NLRC4: variants seen among roughly 807,000 people sequenced by gnomAD.
NLRC4 encodes NLR family CARD domain containing 4.
A neutral mutation model predicts 79.9 loss-of-function variants in NLRC4; 63 were observed. The observed-to-expected ratio is 0.79, with a 90% CI of 0.64 to 0.97. NLRC4 has a LOEUF of 0.97. Ranked by LOEUF, NLRC4 falls within the 50% of genes least tolerant of loss-of-function variation. The probability of loss-of-function intolerance (pLI) is 0.00; values close to 1 mark genes in which losing one functional copy is unlikely to be tolerated. For missense variants in NLRC4, 1,074 were observed against 1,215.2 expected (o/e 0.88, Z 1.73); for synonymous variants, 461 against 456.5 (o/e 1.01, Z -0.12).
At chr2:32,226,914 T>G (rs1225294632) in intron 8 of NLRC4, among the ~76,000 whole-genome samples, 1 of 152,048 alleles carries the variant, frequency 6.6e-6, no homozygotes, top group Non-Finnish European at 1.5e-5. Flanking sequence ...GACAGACTGC[T>G]AGTTGTTCCC....
chr2:32,259,695 A>G (rs1314007003), intron 1 of NLRC4, among the ~76,000 whole-genome samples: 1 of 152,122 alleles, frequency 6.6e-6, no homozygotes, highest in Non-Finnish European at 1.5e-5. Flanking sequence ...CCCTCTCCTT[A>G]GTATCCTATG....
intron 1 of NLRC4, among the ~76,000 whole-genome samples, chr2:32,258,229 G>A (rs988157695): frequency 1.3e-5 from 2 of 152,186 alleles, no homozygotes; most frequent in African/African-American, 4.8e-5. Context: ...GATGTCTGTT[G>A]TGTGCTCTTC....
chr2:32,233,172 GGAAGGAAGGAAGGAAGGAAGGA>G (rs1558446976), intron 8 of NLRC4, among the ~76,000 whole-genome samples: 1,168 of 98,596 alleles, frequency 0.012, 14 homozygotes, highest in Middle Eastern at 0.035. Flanking sequence ...AAGGAAGGAA[GGAAGGAAGGAAGGAAGGAAGGA>G]AGGGAGGGAG....
In NLRC4 at chr2:32,236,350, A is replaced by G; in HGVS notation, c.2522-11T>C. 3 of 1,512,310 alleles carry G rather than the reference A, an allele frequency of 2.0e-6. No homozygotes were observed. Among genetic ancestry groups the G allele is most frequent in the Non-Finnish European group, 2.7e-6 (3 of 1,102,718 alleles). The allele number at this position is 1,512,310 out of a possible 1,614,324, so 93.7% of individuals were successfully genotyped here. On this transcript the variant is annotated splice_polypyrimidine_tract_variant and intron_variant, in intron 6 of 8. Transcript: ENST00000402280. ...TGTGAAGATTCTGAGCTGGGGAAAA[A>G]AAGTAATCCAAAATAAAAAGATTTT... is the stretch of plus-strand genomic sequence containing the variant.
At position 32,236,317 on chromosome 2, in the gene NLRC4, G is replaced by T; in HGVS notation, c.2544C>A (p.Val848=). Residue 848 remains valine (V), a synonymous_variant, in exon 7 of 9, where the codon GTC becomes GTA. Transcript: ENST00000402280. ...CTGATAAATCAAGAATGCTCAGTTT[G>T]ACCAAATTGTGAAGATTCTGAGCTG... is the stretch of plus-strand genomic sequence containing the variant. ...KILAQNLHNL[V]KLSILDLSEN... The T allele has an allele frequency of 6.2e-7, 1 of 1,607,394 alleles. No individual in the cohort carries two copies. Among genetic ancestry groups the T allele is most frequent in the South Asian group, 1.1e-5 (1 of 89,538 alleles).
Position 32,225,421 on chromosome 2 carries a change from GTGTGTGTGT to G in NLRC4, c.2783-665_2783-657del, listed in dbSNP as rs781128694. On this transcript the variant is annotated intron_variant, in intron 8 of 8. Transcript: ENST00000402280. Reference sequence around the variant, plus strand: ...ATACATACAAAGGATGTGTGTGTGTGTGTGTGTGTGTGTGTGTGTGTGTGTATACATACA... The same window carrying G: ...ATACATACAAAGGATGTGTGTGTGTGGTGTGTGTGTGTGTGTATACATACA... 6.5e-3 allele frequency among the ~76,000 whole-genome samples: 970 copies of G among 150,320 alleles called. 14 individuals carry two copies. Among genetic ancestry groups the G allele is most frequent in the African/African-American group, 0.023 (939 of 41,112 alleles).
At chr2:32,253,240 C>T (rs1159474079) in intron 2 of NLRC4, among the ~76,000 whole-genome samples, 1 of 151,638 alleles carries the variant, frequency 6.6e-6, no homozygotes, top group African/African-American at 2.4e-5. Flanking sequence ...AGCTCTGCCT[C>T]CTGGGTTCAA....
At chr2:32,241,273 C>T (rs1181355627) in intron 4 of NLRC4, 148 bp from the exon 5 acceptor site, 19 of 542,882 alleles carry the variant, frequency 3.5e-5, no homozygotes, top group Non-Finnish European at 5.5e-5. Context: ...TAAAAATATA[C>T]TTTTTATAAG....
chr2:32,251,588 C>A lies in NLRC4; in HGVS notation c.276G>T (p.Gln92His). 1 of 1,594,360 alleles carries A rather than the reference C, an allele frequency of 6.3e-7. No homozygotes were observed. The highest frequency in any genetic ancestry group is 8.5e-7 in the Non-Finnish European group (1 of 1,171,222). Residue 92 changes from glutamine (Q) to histidine (H), a missense_variant, in exon 4 of 9, where the codon CAG becomes CAT. Transcript: ENST00000402280. ...AATCGTCCAAGTCTCCTTCTGATGT[C>A]TGATGAAAAAGACCTATTAGAGAAG... ...QDLNGQSLFH[Q>H]TSEGDLDDLA...
chr2:32,233,826 T>A (rs1338157810), intron 8 of NLRC4, among the ~76,000 whole-genome samples: 1 of 152,210 alleles, frequency 6.6e-6, no homozygotes, highest in Non-Finnish European at 1.5e-5. Flanking sequence ...TTAAGTCTGA[T>A]GTTTCTTTGT....
At chr2:32,235,264 A>G (rs1222312377) in intron 8 of NLRC4, 137 bp downstream of exon 8, 6 of 645,912 alleles carry the variant, frequency 9.3e-6, no homozygotes, top group African/African-American at 5.5e-5. Flanking sequence ...TCTAACGTGA[A>G]TGAATTCATT....
At chr2:32,257,048 A>AG (rs1687223392) in intron 1 of NLRC4, among the ~76,000 whole-genome samples, 155 bp from the exon 2 acceptor site, 1 of 152,224 alleles carries the variant, frequency 6.6e-6, no homozygotes, top group South Asian at 2.1e-4. Context: ...CAGGCCCTAA[A>AG]GAGAACCCAG....
At chr2:32,255,318 C>T (rs932784476) in intron 2 of NLRC4, among the ~76,000 whole-genome samples, 17 of 151,670 alleles carry the variant, frequency 1.1e-4, no homozygotes, top group Non-Finnish European at 1.8e-4. Flanking sequence ...GTCGGGAGTT[C>T]GAGACTAGCC....
intron 8 of NLRC4, 71 bp from the exon 9 acceptor site, chr2:32,224,836 A>T: frequency 1.1e-6 from 1 of 900,480 alleles, no homozygotes; most frequent in African/African-American, 1.7e-5. Flanking sequence ...TAGGTTCTAC[A>T]TTTATTTTAC....
Position 32,250,122 on chromosome 2 carries a change from C to T in NLRC4, c.1742G>A (p.Gly581Asp). 1 of 1,614,126 alleles carries T rather than the reference C, an allele frequency of 6.2e-7. No homozygotes were observed. The highest frequency in any genetic ancestry group is 8.5e-7 in the Non-Finnish European group (1 of 1,180,004). ...LSQEFEAFFQ[G>D]KSLYINSGNI... ...CCCTGAGTTGATATATAAGCTTTTA[C>T]CTTGAAAGAAAGCTTCAAATTCTTG... Residue 581 changes from glycine to aspartate, a missense_variant, in exon 4 of 9, where the codon GGT becomes GAT. By Grantham distance (94) the Gly-to-Asp change is moderately conservative (BLOSUM62 -1). Coordinates refer to ENST00000402280, the MANE Select transcript of NLRC4 (RefSeq NM_001199138.2). This position sits in a 1 kb window ranked among gnomAD's most constrained non-coding sequence, Gnocchi z 4.9.
At chr2:32,239,603 T>C (rs1396083581) in intron 5 of NLRC4, among the ~76,000 whole-genome samples, 1 of 152,210 alleles carries the variant, frequency 6.6e-6, no homozygotes, top group African/African-American at 2.4e-5. Flanking sequence ...ATGAGGTATA[T>C]AAAACTGCCG....
At position 32,250,108 on chromosome 2, in the gene NLRC4, T is replaced by C. The variant is rs1687033754; in HGVS notation, c.1756A>G (p.Ile586Val). 1.2e-6 allele frequency: 2 copies of C among 1,614,254 alleles called. No individual in the cohort carries two copies. Among genetic ancestry groups the C allele is most frequent in the Non-Finnish European group, 1.7e-6 (2 of 1,180,040 alleles). Residue 586 changes from isoleucine (I) to valine (V), a missense_variant, in exon 4 of 9, where the codon ATC becomes GTC. Transcript: ENST00000402280. This position sits in a 1 kb window ranked among gnomAD's most constrained non-coding sequence, Gnocchi z 4.9. ...EAFFQGKSLY[I>V]NSGNIPDYLF... is the part of the protein sequence containing the mutation. ...TAATCGGGGATGTTCCCTGAGTTGA[T>C]ATATAAGCTTTTACCTTGAAAGAAA...
chr2:32,260,204 G>A (rs1687308469), intron 1 of NLRC4, among the ~76,000 whole-genome samples: 1 of 136,716 alleles, frequency 7.3e-6, no homozygotes, highest in Non-Finnish European at 1.6e-5. Context: ...ACTCCAGCCT[G>A]GGCAACGACA....
intron 2 of NLRC4, among the ~76,000 whole-genome samples, chr2:32,253,090 G>A (rs1687120826): frequency 6.6e-6 from 1 of 152,044 alleles, no homozygotes; most frequent in Non-Finnish European, 1.5e-5. Flanking sequence ...TTTCCTGTGA[G>A]CATCTCCTGA....
Sources: gnomAD v4.1 joint callset for allele counts (sites outside exome capture counted in the v4.1 genomes callset) on GRCh38, gnomAD v4.1.1 for gene constraint, Gnocchi (gnomAD v3.1) non-coding constraint, MANE v1.5 for transcripts, NCBI Gene and HGNC (gene_info 2026-07-23, HGNC 2026-07-21) for gene names.